OR9Q1: variants seen among roughly 807,000 people sequenced by gnomAD.
The protein encoded by OR9Q1 is olfactory receptor 9Q1.
For synonymous variants in OR9Q1, 153 were observed against 148.6 expected (o/e 1.03, Z -0.22); for missense variants, 374 against 378.8 (o/e 0.99, Z 0.11).
At chr11:58,070,614 A>C (rs1853478513) in intron 2 of OR9Q1, among the ~76,000 whole-genome samples, 1 of 152,198 alleles carries the variant, frequency 6.6e-6, no homozygotes, top group Non-Finnish European at 1.5e-5. Context: ...GGAACTTCAG[A>C]CTTCAATGGC....
intron 2 of OR9Q1, among the ~76,000 whole-genome samples, chr11:58,172,335 C>A (rs1036097440): frequency 2.0e-5 from 3 of 152,076 alleles, no homozygotes; most frequent in Admixed American, 2.0e-4. Flanking sequence ...TTATAGCAAT[C>A]TTAAAGTAAC....
chr11:58,080,372 T>A (rs1433512899), intron 2 of OR9Q1, among the ~76,000 whole-genome samples: 1 of 152,136 alleles, frequency 6.6e-6, no homozygotes, highest in Non-Finnish European at 1.5e-5. Context: ...TGTACCACAT[T>A]AAAAAAATCC....
At chr11:58,172,973 T>C (rs1343704289) in intron 2 of OR9Q1, among the ~76,000 whole-genome samples, 2 of 152,156 alleles carry the variant, frequency 1.3e-5, no homozygotes, top group African/African-American at 4.8e-5. Flanking sequence ...CCAATACTTT[T>C]ATCCAAAAAT....
chr11:58,092,348 G>A (rs1853692598), intron 2 of OR9Q1, among the ~76,000 whole-genome samples: 1 of 149,788 alleles, frequency 6.7e-6, no homozygotes, highest in Admixed American at 6.6e-5. Context: ...TTTTTACACT[G>A]AACTGTAAAA....
chr11:58,172,112 G>C (rs1278465534), intron 2 of OR9Q1, among the ~76,000 whole-genome samples: 1 of 152,132 alleles, frequency 6.6e-6, no homozygotes, highest in Non-Finnish European at 1.5e-5. Flanking sequence ...ATGCTTTGTT[G>C]TCTCTGAGGA....
At chr11:58,050,207 G>T (rs1264622385) in intron 1 of OR9Q1, among the ~76,000 whole-genome samples, 2 of 110,114 alleles carry the variant, frequency 1.8e-5, no homozygotes, top group Non-Finnish European at 3.8e-5. Flanking sequence ...ATACTACAAG[G>T]CTACAGTAAC....
chr11:58,096,705 T>TC (rs1022333685), intron 2 of OR9Q1, among the ~76,000 whole-genome samples: 2 of 73,268 alleles, frequency 2.7e-5, no homozygotes, highest in African/African-American at 7.9e-5. Context: ...GACAGTCTCT[T>TC]TTTTTTTTTT....
intron 2 of OR9Q1, among the ~76,000 whole-genome samples, chr11:58,157,411 T>A (rs750152089): frequency 3.9e-5 from 6 of 152,178 alleles, no homozygotes; most frequent in African/African-American, 7.2e-5. Flanking sequence ...TAATATTCAA[T>A]AACTGTCTAT....
intron 1 of OR9Q1, among the ~76,000 whole-genome samples, chr11:58,054,849 A>G (rs1324361163): frequency 2.6e-5 from 4 of 152,216 alleles, no homozygotes; most frequent in African/African-American, 9.6e-5. Flanking sequence ...ACTTGAACCC[A>G]GGAGGTGGAG....
intron 1 of OR9Q1, among the ~76,000 whole-genome samples, chr11:58,052,823 A>T (rs931349999): frequency 2.2e-4 from 33 of 151,284 alleles, no homozygotes; most frequent in Non-Finnish European, 4.1e-4. Flanking sequence ...GAAGACATTT[A>T]TGCAGCCAAA....
intron 1 of OR9Q1, among the ~76,000 whole-genome samples, chr11:58,034,460 A>G (rs1269368842): frequency 6.6e-6 from 1 of 152,190 alleles, no homozygotes; most frequent in Non-Finnish European, 1.5e-5. Flanking sequence ...ACAAATTGAA[A>G]GAAGAATAAT....
chr11:58,073,204 A>G (rs1853504686), intron 2 of OR9Q1: 2 of 232,160 alleles, frequency 8.6e-6, no homozygotes, highest in Non-Finnish European at 1.9e-5. Context: ...CCATGCTTGT[A>G]TTTCCAATAA....
At position 58,126,540 on chromosome 11, in the gene OR9Q1, A is replaced by G. The variant is rs568544685; in HGVS notation, c.-14-52891A>G. Among the ~76,000 whole-genome samples, 11 of 152,352 alleles carry G rather than the reference A, an allele frequency of 7.2e-5. No individual in the cohort carries two copies. In the East Asian group the frequency reaches 2.1e-3, roughly 29 times the overall value. On this transcript the variant is annotated intron_variant, in intron 2 of 2. Transcript: ENST00000335397. ...ATTCAGGCGAACTAGGGTGGTTTTC[A>G]TAATTGCAGATGCCAGATGCCAGTT...
At chr11:58,065,129 G>A (rs1464360654) in intron 2 of OR9Q1, among the ~76,000 whole-genome samples, 1 of 152,060 alleles carries the variant, frequency 6.6e-6, no homozygotes, top group Non-Finnish European at 1.5e-5. Flanking sequence ...GCTATGGAGT[G>A]GACGGGACAC....
At chr11:58,132,775 G>A (rs1418209900) in intron 2 of OR9Q1, among the ~76,000 whole-genome samples, 1 of 152,218 alleles carries the variant, frequency 6.6e-6, no homozygotes, top group African/African-American at 2.4e-5. Flanking sequence ...GATTGAGAAA[G>A]CAAACTTTGC....
At chr11:58,158,354 C>G (rs1487986257) in intron 2 of OR9Q1, among the ~76,000 whole-genome samples, 1 of 150,550 alleles carries the variant, frequency 6.6e-6, no homozygotes, top group East Asian at 1.9e-4. Flanking sequence ...CACTCTTGGG[C>G]AGATTTTCCA....
chr11:58,152,243 C>G (rs1042255935), intron 2 of OR9Q1, among the ~76,000 whole-genome samples: 3 of 152,098 alleles, frequency 2.0e-5, no homozygotes, highest in Non-Finnish European at 2.9e-5. Context: ...AATGAAATGG[C>G]AGAATCAGAA....
chr11:58,080,682 C>T (rs1590577094), intron 2 of OR9Q1, among the ~76,000 whole-genome samples: 1 of 152,102 alleles, frequency 6.6e-6, no homozygotes, highest in African/African-American at 2.4e-5. Context: ...AATAACTATT[C>T]TGACTGGTGT....
At chr11:58,145,433 C>G (rs1854291456) in intron 2 of OR9Q1, 3 of 152,154 alleles carry the variant, frequency 2.0e-5, no homozygotes, top group Admixed American at 1.3e-4. Context: ...AACTCTTGAG[C>G]CCCATCAAGC....
Sources: gnomAD v4.1 joint callset for allele counts (sites outside exome capture counted in the v4.1 genomes callset) on GRCh38, gnomAD v4.1.1 for gene constraint, MANE v1.5 for transcripts, NCBI Gene and HGNC (gene_info 2026-07-23, HGNC 2026-07-21) for gene names.